OSBPL3: variants seen among roughly 807,000 people sequenced by gnomAD.
OSBPL3 encodes the protein oxysterol binding protein like 3.
Under a neutral mutation model 120.1 loss-of-function variants are expected in OSBPL3, and 65 were observed. That is an observed-to-expected ratio of 0.54 (90% confidence interval 0.44 to 0.67). OSBPL3 has a LOEUF of 0.67. Among genes scored for constraint, OSBPL3 ranks in the 30% least tolerant of loss-of-function variants. OSBPL3 has a pLI of 0.00. For missense variants in OSBPL3, 1,004 were observed against 1,082.1 expected, an observed-to-expected ratio of 0.93 and a Z score of 1.01; for synonymous variants, 416 against 402.6, an observed-to-expected ratio of 1.03 and a Z score of -0.40.
At chr7:24,909,732 T>G (rs1363725432) in intron 1 of OSBPL3, among the ~76,000 whole-genome samples, 1 of 149,540 alleles carries the variant, frequency 6.7e-6, no homozygotes, top group African/African-American at 2.5e-5. Flanking sequence ...GCAGTAAGAA[T>G]CCTTTTCATT....
intron 1 of OSBPL3, among the ~76,000 whole-genome samples, chr7:24,902,716 T>TAATAATAAC (rs1807238399): frequency 6.7e-6 from 1 of 148,314 alleles, no homozygotes; most frequent in Non-Finnish European, 1.5e-5. Flanking sequence ...ATAATAATAA[T>TAATAATAAC]AATAATAATA....
At chr7:24,870,182 C>T (rs1295931402) in intron 5 of OSBPL3, among the ~76,000 whole-genome samples, 1 of 152,154 alleles carries the variant, frequency 6.6e-6, no homozygotes, top group Non-Finnish European at 1.5e-5. Flanking sequence ...AGATCTCACG[C>T]TTCATGCTTT....
chr7:24,917,468 T>TATAC (rs1809842032), intron 1 of OSBPL3, among the ~76,000 whole-genome samples: 1 of 111,814 alleles, frequency 8.9e-6, no homozygotes, highest in Non-Finnish European at 2.0e-5. Context: ...TATATATATA[T>TATAC]ACACACACAC....
Position 24,894,936 on chromosome 7 carries a change from G to A in OSBPL3, c.-149-2315C>T, listed in dbSNP as rs1805912522. ...CAATAGCTATCAAAGTTGGCACTTAGAGCCAAGGGCTCTGCCAGCATGACC... is the reference window on the plus strand; with the variant it reads ...CAATAGCTATCAAAGTTGGCACTTAAAGCCAAGGGCTCTGCCAGCATGACC... On this transcript the variant is annotated intron_variant, in intron 1 of 22. Transcript: ENST00000313367. This position sits in a 1 kb window ranked among gnomAD's most constrained non-coding sequence, Gnocchi z 4.1. 6.6e-6 allele frequency among the ~76,000 whole-genome samples: 1 copy of A among 152,154 alleles called. No homozygotes were observed. Among genetic ancestry groups the A allele is most frequent in the African/African-American group, 2.4e-5 (1 of 41,442 alleles).
chr7:24,887,911 G>A (rs1804771173), intron 2 of OSBPL3, among the ~76,000 whole-genome samples: 1 of 152,188 alleles, frequency 6.6e-6, no homozygotes. Flanking sequence ...GCAGGATGGG[G>A]TAAGAATTCA....
intron 22 of OSBPL3, among the ~76,000 whole-genome samples, chr7:24,801,868 T>C (rs574651346): frequency 3.9e-5 from 6 of 152,366 alleles, no homozygotes; most frequent in African/African-American, 1.2e-4. Flanking sequence ...AGTTGTATGA[T>C]ATTCCATTGT....
At chr7:24,950,507 G>A (rs1814271346) in intron 1 of OSBPL3, among the ~76,000 whole-genome samples, 1 of 152,182 alleles carries the variant, frequency 6.6e-6, no homozygotes, top group South Asian at 2.1e-4. Context: ...CGGATCACGA[G>A]GTCAGGAGAT....
rs1360340807 is a variant in OSBPL3, at chr7:24,840,410, T to C, written c.1495+280A>G. 2.0e-5 allele frequency among the ~76,000 whole-genome samples: 3 copies of C among 152,192 alleles called. No individual in the cohort carries two copies. The East Asian group carries it at 5.8e-4, about 29-fold the overall frequency. On this transcript the variant is annotated intron_variant, in intron 14 of 22. Coordinates refer to ENST00000313367, the MANE Select transcript of OSBPL3 (RefSeq NM_015550.4). ...TTATGATGATCCCCTTAACGAATTG[T>C]AAATATGTTTTCTGTTCTAATGATT...
rs1221560019 is a variant in OSBPL3 at position 24,946,408 on chromosome 7, T to A, written c.-150+33478A>T. 6.6e-6 allele frequency among the ~76,000 whole-genome samples: 1 copy of A among 152,108 alleles called. No homozygotes were observed. The highest frequency in any genetic ancestry group is 2.4e-5 in the African/African-American group (1 of 41,412). ...AGGGTACACAGACCTCACCTATCAA[T>A]GAAAGAACTTCTGGTCAGTTTTTAA... On this transcript the variant is annotated intron_variant, in intron 1 of 22. Transcript: ENST00000313367. The surrounding 1 kb of genome is among the most constrained non-coding windows in gnomAD (Gnocchi z 4.3).
At chr7:24,844,715 A>T (rs530088445) in intron 12 of OSBPL3, among the ~76,000 whole-genome samples, 1 of 152,236 alleles carries the variant, frequency 6.6e-6, no homozygotes, top group African/African-American at 2.4e-5. Flanking sequence ...TATTCAAAAT[A>T]GAAAATTTTA....
At chr7:24,978,663 C>G (rs907149338) in intron 1 of OSBPL3, among the ~76,000 whole-genome samples, 5 of 152,206 alleles carry the variant, frequency 3.3e-5, no homozygotes, top group Non-Finnish European at 5.9e-5. Context: ...TGATGAGAAG[C>G]CAGGCCTTCG....
chr7:24,934,966 C>T (rs142431963), intron 1 of OSBPL3, among the ~76,000 whole-genome samples: 1 of 152,212 alleles, frequency 6.6e-6, no homozygotes, highest in East Asian at 1.9e-4. Context: ...TTTAAAATGA[C>T]TCACAAGAAC....
intron 1 of OSBPL3, among the ~76,000 whole-genome samples, chr7:24,904,926 T>G (rs1259953011): frequency 1.4e-4 from 19 of 135,960 alleles, no homozygotes; most frequent in African/African-American, 6.5e-4. Flanking sequence ...CAGGTGTGTG[T>G]GTGTGTGTGT....
Position 24,819,146 on chromosome 7 carries a change from G to A in OSBPL3, c.1948+1029C>T, listed in dbSNP as rs149073518. On this transcript the variant is annotated intron_variant, in intron 17 of 22. Coordinates refer to ENST00000313367, the MANE Select transcript of OSBPL3 (RefSeq NM_015550.4). The surrounding 1 kb of genome is among the most constrained non-coding windows in gnomAD (Gnocchi z 4.1). Reference sequence around the variant, plus strand: ...CGCATGCCTGTAGTCCCAGCTACTCGGGAGGCTGAGACAGGAGAATCACTT... The same window carrying A: ...CGCATGCCTGTAGTCCCAGCTACTCAGGAGGCTGAGACAGGAGAATCACTT... 4.7e-3 allele frequency among the ~76,000 whole-genome samples: 715 copies of A among 151,868 alleles called. 18 individuals carry two copies. The highest frequency in any genetic ancestry group is 0.044 in the Admixed American group (671 of 15,250).
At chr7:24,886,381 A>C (rs1804534162) in intron 2 of OSBPL3, among the ~76,000 whole-genome samples, 1 of 152,220 alleles carries the variant, frequency 6.6e-6, no homozygotes, top group South Asian at 2.1e-4. Context: ...CAGGTATAGA[A>C]GAACATTTAT....
rs70942886 is a variant in OSBPL3, at chr7:24,841,717, A to AAAAAAAAAAAAAAAAAAAAAAAAAAAAAG, written c.1401+561_1401+562insCTTTTTTTTTTTTTTTTTTTTTTTTTTTT. Among the ~76,000 whole-genome samples, 4 of 82,798 alleles carry AAAAAAAAAAAAAAAAAAAAAAAAAAAAAG rather than the reference A, an allele frequency of 4.8e-5. 1 individual carries two copies. Among genetic ancestry groups the AAAAAAAAAAAAAAAAAAAAAAAAAAAAAG allele is most frequent in the Non-Finnish European group, 4.5e-5 (2 of 44,186 alleles). The allele number at this position is 82,798 out of a possible 152,430, so 54.3% of individuals were successfully genotyped here. ...CTCAAAAAAAAAAAAAAAAAAAAAA[A>AAAAAAAAAAAAAAAAAAAAAAAAAAAAAG]AAAAGAGGCCAGGCACAGTGGCTCA... On this transcript the variant is annotated intron_variant, in intron 13 of 22. Coordinates refer to ENST00000313367, the MANE Select transcript of OSBPL3 (RefSeq NM_015550.4).
chr7:24,804,211 G>T lies in OSBPL3; in HGVS notation c.2567+104C>A. 7.3e-7 allele frequency: 1 copy of T among 1,364,930 alleles called. No homozygotes were observed. Among genetic ancestry groups the T allele is most frequent in the South Asian group, 1.3e-5 (1 of 79,826 alleles). 84.6% of individuals were successfully genotyped at this position (1,364,930 alleles called of 1,614,324 possible). A position where few individuals can be genotyped will look rare whatever the true frequency, so the allele number is the denominator to read the frequency against. On this transcript the variant is annotated intron_variant, in intron 22 of 22. Transcript: ENST00000313367. This position sits in a 1 kb window ranked among gnomAD's most constrained non-coding sequence, Gnocchi z 5.4. ...CACGTGGAAGCAGGAAAAGCCTGGA[G>T]AATGCTCTTATCTGGGGACAGTACT...
chr7:24,938,803 G>C lies in OSBPL3; in HGVS notation c.-150+41083C>G, dbSNP rs201194323. 2.1e-4 allele frequency among the ~76,000 whole-genome samples: 31 copies of C among 150,546 alleles called. No homozygotes were observed. The highest frequency in any genetic ancestry group is 1.4e-3 in the East Asian group (7 of 5,134). On this transcript the variant is annotated intron_variant, in intron 1 of 22. Transcript: ENST00000313367. This position sits in a 1 kb window ranked among gnomAD's most constrained non-coding sequence, Gnocchi z 5.8. ...GATGTGTGTGTGTGTGTGTGTGTGT[G>C]TGTGTGTGTGTGTGTGTGTGTGTGT... is the stretch of plus-strand genomic sequence containing the variant.
chr7:24,915,846 A>AT (rs1454235382), intron 1 of OSBPL3, among the ~76,000 whole-genome samples: 1 of 152,218 alleles, frequency 6.6e-6, no homozygotes, highest in Admixed American at 6.5e-5. Flanking sequence ...AAGTGCTAGG[A>AT]TTACAGGCGT....
Sources: gnomAD v4.1 joint callset for allele counts (sites outside exome capture counted in the v4.1 genomes callset) on GRCh38, gnomAD v4.1.1 for gene constraint, Gnocchi (gnomAD v3.1) non-coding constraint, MANE v1.5 for transcripts, NCBI Gene and HGNC (gene_info 2026-07-23, HGNC 2026-07-21) for gene names.